ERBB4: variants seen among roughly 807,000 people sequenced by gnomAD.
ERBB4 encodes the protein erb-b2 receptor tyrosine kinase 4.
Under a neutral mutation model 158.0 loss-of-function variants are expected in ERBB4, and 42 were observed. That is an observed-to-expected ratio of 0.27 (90% confidence interval 0.21 to 0.34). The LOEUF (loss-of-function observed/expected upper bound fraction) is 0.34. Ranked by LOEUF, ERBB4 falls within the 10% of genes least tolerant of loss-of-function variation. The pLI, the probability that ERBB4 is intolerant of heterozygous loss-of-function variation, is 1.00. For synonymous variants in ERBB4, 583 were observed against 558.7 expected (o/e 1.04, Z -0.61); for missense variants, 1,333 against 1,624.1 (o/e 0.82, Z 3.08).
At chr2:211,942,333 T>C (rs1199670648) in intron 3 of ERBB4, among the ~76,000 whole-genome samples, 2 of 134,928 alleles carry the variant, frequency 1.5e-5, no homozygotes, top group Non-Finnish European at 3.2e-5. Flanking sequence ...TGAAGCATTT[T>C]ATTTATTTAT....
At chr2:212,355,092 T>A (rs747757011) in intron 1 of ERBB4, among the ~76,000 whole-genome samples, 1 of 152,108 alleles carries the variant, frequency 6.6e-6, no homozygotes, top group African/African-American at 2.4e-5. Context: ...CAATAAAATG[T>A]GACCAGTCAG....
chr2:211,646,637 T>C (rs1313420010), intron 16 of ERBB4, among the ~76,000 whole-genome samples: 1 of 151,740 alleles, frequency 6.6e-6, no homozygotes, highest in East Asian at 1.9e-4. Context: ...TGCTGATGTT[T>C]GTAGTAATGA....
chr2:211,816,976 G>A (rs2076892550), intron 3 of ERBB4, among the ~76,000 whole-genome samples: 1 of 152,142 alleles, frequency 6.6e-6, no homozygotes, highest in Admixed American at 6.5e-5. Flanking sequence ...CACCTTTCAG[G>A]GAAATAGCAG....
At chr2:211,739,011 T>C (rs190044426) in intron 5 of ERBB4, among the ~76,000 whole-genome samples, 177 of 152,334 alleles carry the variant, frequency 1.2e-3, no homozygotes, top group Middle Eastern at 6.8e-3. Context: ...CATCATTCTG[T>C]AATTTTTATC....
At chr2:212,480,381 G>T (rs1689628381) in intron 1 of ERBB4, among the ~76,000 whole-genome samples, 1 of 152,160 alleles carries the variant, frequency 6.6e-6, no homozygotes, top group Admixed American at 6.6e-5. Context: ...GCAAAAGAAA[G>T]ATAAGAAGGC....
intron 12 of ERBB4, among the ~76,000 whole-genome samples, chr2:211,693,815 C>T (rs7425448): frequency 0.15 from 23,198 of 152,086 alleles, 2,133 homozygotes; most frequent in Non-Finnish European, 0.18. Context: ...TCCAGGTGTT[C>T]GCAGGCTAGT....
chr2:211,442,268 C>T (rs1249054210), intron 20 of ERBB4, among the ~76,000 whole-genome samples: 6 of 152,036 alleles, frequency 3.9e-5, no homozygotes, highest in East Asian at 1.9e-4. Context: ...TCAAATTTAA[C>T]GTTTCTTAGA....
chr2:211,444,107 GT>G (rs1274485596), intron 20 of ERBB4, among the ~76,000 whole-genome samples: 2 of 150,080 alleles, frequency 1.3e-5, no homozygotes, highest in East Asian at 2.0e-4. Flanking sequence ...AGTTTGTGGG[GT>G]TTTTTTTGTA....
At chr2:212,330,670 G>A (rs911319156) in intron 1 of ERBB4, among the ~76,000 whole-genome samples, 1 of 151,706 alleles carries the variant, frequency 6.6e-6, no homozygotes, top group Non-Finnish European at 1.5e-5. Context: ...CAGTAGGTGG[G>A]GGCATATGGA....
intron 16 of ERBB4, among the ~76,000 whole-genome samples, chr2:211,653,157 C>G (rs2105887904): frequency 6.6e-6 from 1 of 152,072 alleles, no homozygotes; most frequent in African/African-American, 2.4e-5. Flanking sequence ...AAAAGAAAAA[C>G]CACCAAAGGC....
Position 211,665,398 on chromosome 2 carries a change from C to A in ERBB4, c.1796G>T (p.Gly599Val), listed in dbSNP as rs2071590685. 2.5e-6 allele frequency: 4 copies of A among 1,613,876 alleles called. No individual in the cohort carries two copies. The highest frequency in any genetic ancestry group is 3.3e-5 in the Admixed American group (2 of 59,958). Reference sequence around the variant, plus strand: ...ATACTTGAAAATGAAACTGTTTGCCCCCTGTAAGCCATCTGGACATTTTTC... The same window carrying A: ...ATACTTGAAAATGAAACTGTTTGCCACCTGTAAGCCATCTGGACATTTTTC... ...CVEKCPDGLQ[G>V]ANSFIFKYAD... is the part of the protein sequence containing the mutation. Residue 599 changes from glycine (G) to valine (V), a missense_variant, in exon 15 of 28, where the codon GGG (glycine) becomes GTG (valine). This residue lies in a region of ERBB4 where 245 missense variants were observed against 247.5 expected (regional missense o/e 0.99). Transcript: ENST00000342788.
At chr2:211,391,052 GT>G (rs2062788837) in intron 25 of ERBB4, among the ~76,000 whole-genome samples, 1 of 152,106 alleles carries the variant, frequency 6.6e-6, no homozygotes. Flanking sequence ...TATAATTGTT[GT>G]TTAAATATAT....
chr2:211,976,422 G>C (rs1347856332), intron 2 of ERBB4, among the ~76,000 whole-genome samples: 3 of 151,846 alleles, frequency 2.0e-5, no homozygotes, highest in African/African-American at 7.3e-5. Context: ...TCTTATCTTA[G>C]CTTAAAAGTC....
chr2:211,699,228 A>C (rs2073139473), intron 12 of ERBB4, among the ~76,000 whole-genome samples: 1 of 152,192 alleles, frequency 6.6e-6, no homozygotes, highest in Admixed American at 6.5e-5. Flanking sequence ...GTATATATGC[A>C]TGTGTGTTGT....
chr2:211,637,928 T>A (rs2070421462), intron 16 of ERBB4, among the ~76,000 whole-genome samples: 1 of 151,942 alleles, frequency 6.6e-6, no homozygotes, highest in African/African-American at 2.4e-5. Context: ...TGCTTGATAG[T>A]AGAGAATACA....
chr2:211,879,960 C>G (rs971833700), intron 3 of ERBB4, among the ~76,000 whole-genome samples: 1 of 150,194 alleles, frequency 6.7e-6, no homozygotes, highest in Non-Finnish European at 1.5e-5. Flanking sequence ...TATATTTAAA[C>G]TCAATATATT....
intron 1 of ERBB4, among the ~76,000 whole-genome samples, chr2:212,201,805 C>G (rs1244117552): frequency 6.6e-6 from 1 of 152,158 alleles, no homozygotes; most frequent in Non-Finnish European, 1.5e-5. Flanking sequence ...AGTAGACTAT[C>G]AATTCTTTGA....
At chr2:211,775,429 A>C (rs1038744712) in intron 4 of ERBB4, among the ~76,000 whole-genome samples, 3 of 152,190 alleles carry the variant, frequency 2.0e-5, no homozygotes, top group Non-Finnish European at 2.9e-5. Context: ...CACCAAGGTA[A>C]AAATTTCTAT....
At chr2:212,410,909 CAAAA>C (rs1460258734) in intron 1 of ERBB4, among the ~76,000 whole-genome samples, 4 of 151,940 alleles carry the variant, frequency 2.6e-5, no homozygotes, top group Admixed American at 2.0e-4. Flanking sequence ...TTTGTAGCCT[CAAAA>C]TAATGAACTA....
Sources: gnomAD v4.1 joint callset for allele counts (sites outside exome capture counted in the v4.1 genomes callset) on GRCh38, gnomAD v4.1.1 for gene constraint, gnomAD v4.1.1 regional missense constraint, MANE v1.5 for transcripts, NCBI Gene and HGNC (gene_info 2026-07-23, HGNC 2026-07-21) for gene names.